PTK7: variants seen among roughly 807,000 people sequenced by gnomAD.
The protein encoded by PTK7 is protein tyrosine kinase 7 (inactive), also known as inactive tyrosine-protein kinase 7.
In PTK7, 39 loss-of-function variants were observed where a neutral mutation model predicts 116.6. The observed-to-expected ratio is 0.33, with a 90% CI of 0.26 to 0.44. PTK7 has a LOEUF of 0.44. Among genes scored for constraint, PTK7 ranks in the 20% least tolerant of loss-of-function variants. The probability of loss-of-function intolerance (pLI) is 1.00; values close to 1 mark genes in which losing one functional copy is unlikely to be tolerated. For synonymous variants in PTK7, 546 were observed against 563.6 expected, an observed-to-expected ratio of 0.97 and a Z score of 0.44; for missense variants, 1,169 against 1,425.6, an observed-to-expected ratio of 0.82 and a Z score of 2.90.
intron 1 of PTK7, among the ~76,000 whole-genome samples, chr6:43,116,651 T>TGCGCGCGC (rs879197725): frequency 5.4e-4 from 42 of 77,276 alleles, no homozygotes; most frequent in African/African-American, 2.6e-3. Context: ...TGTGTGTGTG[T>TGCGCGCGC]GCGCGCGCAC....
Position 43,139,779 on chromosome 6 carries a change from C to G in PTK7, c.1618+254C>G, listed in dbSNP as rs936650255. On this transcript the variant is annotated intron_variant, in intron 10 of 19. Transcript: ENST00000230419. This position sits in a 1 kb window ranked among gnomAD's most constrained non-coding sequence, Gnocchi z 4.6. ...GGTTCAGACAGTGCTGTAAAGTCCT[C>G]TCTTCCCCTTTTCCAAAATAGTTTA... Among the ~76,000 whole-genome samples, 2 of 152,226 alleles carry G rather than the reference C, an allele frequency of 1.3e-5. No individual in the cohort carries two copies. The highest frequency in any genetic ancestry group is 4.1e-4 in the South Asian group (2 of 4,830).
Position 43,076,347 on chromosome 6 carries a change from C to G in PTK7, c.-142C>G, listed in dbSNP as rs538876132. 2.4e-6 allele frequency: 1 copy of G among 425,028 alleles called. No individual in the cohort carries two copies. The highest frequency in any genetic ancestry group is 5.3e-5 in the Admixed American group (1 of 18,774). 26.3% of individuals were successfully genotyped at this position (425,028 alleles called of 1,614,324 possible). A position where few individuals can be genotyped will look rare whatever the true frequency, so the allele number is the denominator to read the frequency against. The stretch of plus-strand genomic sequence containing the variant: ...CGCGCGGCTCCGGCTCGGGACGCCT[C>G]GGGACGCCTCGGGGTCGGGCTCCGG... On this transcript the variant is annotated 5_prime_UTR_variant, in exon 1 of 20. Coordinates refer to ENST00000230419, the MANE Select transcript of PTK7 (RefSeq NM_002821.5). The surrounding 1 kb of genome is among the most constrained non-coding windows in gnomAD (Gnocchi z 5.7).
In PTK7 at chr6:43,158,825, A is replaced by G. The variant is rs750510349; in HGVS notation, c.2730A>G (p.Leu910=). The change falls in exon 18 of 20, where the codon CTA becomes CTG. Residue 910 remains leucine, a synonymous_variant. Coordinates refer to ENST00000230419, the MANE Select transcript of PTK7 (RefSeq NM_002821.5). ...QPLSTKQKVA[L]CTQVALGMEH... is the part of the protein sequence containing the mutation. ...CCCCTTTATCTCTCCAGGTGGCCCT[A>G]TGCACCCAGGTAGCCCTGGGCATGG... The G allele has an allele frequency of 1.9e-5, 31 of 1,613,826 alleles. No homozygotes were observed. The highest frequency in any genetic ancestry group is 5.5e-5 in the South Asian group (5 of 91,062).
At chr6:43,103,039 C>T (rs918973922) in intron 1 of PTK7, among the ~76,000 whole-genome samples, 1 of 152,200 alleles carries the variant, frequency 6.6e-6, no homozygotes, top group African/African-American at 2.4e-5. Context: ...CTACTACAAT[C>T]AGTGAGAGAA....
At chr6:43,146,508 C>T in intron 16 of PTK7, 110 bp from the exon 17 acceptor site, 1 of 983,870 alleles carries the variant, frequency 1.0e-6, no homozygotes, top group Non-Finnish European at 1.6e-6. Flanking sequence ...CTAGCTTAGG[C>T]CTTCTCACTG....
chr6:43,092,127 C>T (rs1388603047), intron 1 of PTK7, among the ~76,000 whole-genome samples: 6 of 152,136 alleles, frequency 3.9e-5, no homozygotes, highest in Admixed American at 3.3e-4. Flanking sequence ...TCCCAAAGTG[C>T]TGGGATTACA....
At chr6:43,080,748 C>T (rs539684305) in intron 1 of PTK7, among the ~76,000 whole-genome samples, 1 of 152,284 alleles carries the variant, frequency 6.6e-6, no homozygotes, top group East Asian at 1.9e-4. Flanking sequence ...TCAAGACCAG[C>T]CTGGACAACA....
At chr6:43,094,467 ATTTT>A (rs1297200835) in intron 1 of PTK7, among the ~76,000 whole-genome samples, 1 of 140,950 alleles carries the variant, frequency 7.1e-6, no homozygotes. Context: ...TCAAAAGCAA[ATTTT>A]TTTTTTTTTT....
intron 1 of PTK7, among the ~76,000 whole-genome samples, chr6:43,108,124 C>T (rs1195400904): frequency 4.8e-5 from 7 of 144,774 alleles, no homozygotes; most frequent in African/African-American, 5.2e-5. Context: ...GAGACAGTCT[C>T]GCCCTTGTTG....
chr6:43,119,996 T>G (rs1298557848), intron 1 of PTK7, among the ~76,000 whole-genome samples: 1 of 152,198 alleles, frequency 6.6e-6, no homozygotes, highest in African/African-American at 2.4e-5. Flanking sequence ...GGTTTTTAAC[T>G]TTCCTGAAAA....
rs575205095 is a variant in PTK7 at position 43,080,849 on chromosome 6, G to A, written c.79+4282G>A. Among the ~76,000 whole-genome samples the A allele has an allele frequency of 9.2e-5, 14 of 152,194 alleles. No individual in the cohort carries two copies. In the South Asian group the frequency reaches 1.5e-3, roughly 16 times the overall value. On this transcript the variant is annotated intron_variant, in intron 1 of 19. Coordinates refer to ENST00000230419, the MANE Select transcript of PTK7 (RefSeq NM_002821.5). ...CCCATCTACTCAGGAGGCTGAGGCA[G>A]GAGAATCACTTGAACCCGGGAGGTG...
At chr6:43,125,301 G>A (rs1447388849) in intron 1 of PTK7, among the ~76,000 whole-genome samples, 6 of 152,250 alleles carry the variant, frequency 3.9e-5, no homozygotes, top group Non-Finnish European at 8.8e-5. Context: ...CCCAGGCCCA[G>A]TCGTTGGGGC....
chr6:43,094,967 C>T (rs931849003), intron 1 of PTK7, among the ~76,000 whole-genome samples: 3 of 151,536 alleles, frequency 2.0e-5, no homozygotes, highest in African/African-American at 7.3e-5. Flanking sequence ...ATTGCTTGAA[C>T]CGGGAGGCGG....
In PTK7 at chr6:43,125,032, C is replaced by T. The variant is rs183952234; in HGVS notation, c.80-3945C>T. Among the ~76,000 whole-genome samples the T allele has an allele frequency of 5.9e-3, 905 of 152,222 alleles. 6 individuals carry two copies. The highest frequency in any genetic ancestry group is 0.01 in the Middle Eastern group (3 of 294). ...TACTAAAAATACAAAATTAGCTGGG[C>T]GTGGTAGCTCATGCCAGTAATTCCA... On this transcript the variant is annotated intron_variant, in intron 1 of 19. Coordinates refer to ENST00000230419, the MANE Select transcript of PTK7 (RefSeq NM_002821.5).
intron 13 of PTK7, 33 bp downstream of exon 13, chr6:43,142,332 A>G: frequency 6.2e-7 from 1 of 1,613,578 alleles, no homozygotes; most frequent in Non-Finnish European, 8.5e-7. Context: ...CTGCACAGGA[A>G]GTGGTGGGCC....
chr6:43,116,651 T>TGTGTGTGTGTGCGCGCGCGCGCGCGC (rs1323606377), intron 1 of PTK7, among the ~76,000 whole-genome samples: 1 of 77,214 alleles, frequency 1.3e-5, no homozygotes, highest in African/African-American at 6.5e-5. Context: ...TGTGTGTGTG[T>TGTGTGTGTGTGCGCGCGCGCGCGCGC]GCGCGCGCAC....
chr6:43,112,659 C>T (rs572213591), intron 1 of PTK7, among the ~76,000 whole-genome samples: 185 of 152,210 alleles, frequency 1.2e-3, no homozygotes, highest in African/African-American at 4.2e-3. Context: ...GGTGATCTGC[C>T]CACCTCAGCC....
In PTK7 at chr6:43,142,025, G is replaced by A. The variant is rs746176517; in HGVS notation, c.1863G>A (p.Pro621=). The A allele has an allele frequency of 3.1e-5, 50 of 1,613,798 alleles. No homozygotes were observed. Among genetic ancestry groups the A allele is most frequent in the East Asian group, 4.5e-5 (2 of 44,884 alleles). Residue 621 remains proline (P), a synonymous_variant, in exon 12 of 20, where the codon CCG becomes CCA. Coordinates refer to ENST00000230419, the MANE Select transcript of PTK7 (RefSeq NM_002821.5). ...GCGAGGCCCAGGGGGACCCCAAGCC[G>A]CTGATTCAGTGGAAAGGCAAGGACC... ...LQCEAQGDPK[P]LIQWKGKDRI...
At chr6:43,089,459 T>C (rs1246126642) in intron 1 of PTK7, among the ~76,000 whole-genome samples, 1 of 152,138 alleles carries the variant, frequency 6.6e-6, no homozygotes, top group African/African-American at 2.4e-5. Flanking sequence ...CCAAACCTAA[T>C]TTCCAGCCAC....
Sources: gnomAD v4.1 joint callset for allele counts (sites outside exome capture counted in the v4.1 genomes callset) on GRCh38, gnomAD v4.1.1 for gene constraint, Gnocchi (gnomAD v3.1) non-coding constraint, MANE v1.5 for transcripts, NCBI Gene and HGNC (gene_info 2026-07-23, HGNC 2026-07-21) for gene names.